The following FAM168A variants were observed in gnomAD, a reference collection of about 807,000 sequenced individuals.
FAM168A encodes the protein protein FAM168A.
A neutral mutation model predicts 28.5 loss-of-function variants in FAM168A; 3 were observed. The ratio of observed to expected loss-of-function variants is 0.11; its 90% CI spans 0.05 to 0.27. The LOEUF is 0.27. Ranked by LOEUF, FAM168A falls within the 10% of genes least tolerant of loss-of-function variation. The pLI is 1.00. For missense variants in FAM168A, 222 were observed against 311.5 expected (o/e 0.71, Z 2.16); for synonymous variants, 122 against 124.2 (o/e 0.98, Z 0.12).
intron 1 of FAM168A, among the ~76,000 whole-genome samples, chr11:73,595,792 T>C (rs1944434998): frequency 1.3e-5 from 2 of 152,280 alleles, no homozygotes; most frequent in Non-Finnish European, 2.9e-5. Context: ...ATATGCTTTA[T>C]TTATTCACAT....
intron 1 of FAM168A, among the ~76,000 whole-genome samples, chr11:73,570,414 C>A (rs898874384): frequency 1.3e-5 from 2 of 152,064 alleles, no homozygotes; most frequent in African/African-American, 4.8e-5. Flanking sequence ...ACAAAAAGAG[C>A]TACCAGTTTA....
intron 1 of FAM168A, among the ~76,000 whole-genome samples, chr11:73,561,146 A>G (rs58573166): frequency 0.21 from 32,154 of 151,234 alleles, 5,800 homozygotes; most frequent in African/African-American, 0.5. Context: ...AGGCTGAGGC[A>G]GGCGGATCAC....
intron 1 of FAM168A, among the ~76,000 whole-genome samples, chr11:73,526,191 A>G (rs902963384): frequency 1.3e-5 from 2 of 152,266 alleles, no homozygotes; most frequent in Non-Finnish European, 2.9e-5. Context: ...CCAGTATAAA[A>G]TGTATAATAA....
At chr11:73,456,641 C>T (rs1789779739) in intron 2 of FAM168A, among the ~76,000 whole-genome samples, 2 of 152,184 alleles carry the variant, frequency 1.3e-5, no homozygotes, top group African/African-American at 4.8e-5. Context: ...TTTAAGGATA[C>T]CTACATTGGG....
intron 2 of FAM168A, among the ~76,000 whole-genome samples, chr11:73,440,467 A>G (rs1033391816): frequency 1.3e-5 from 2 of 152,088 alleles, no homozygotes; most frequent in African/African-American, 4.8e-5. Context: ...TGGGCAATGT[A>G]GCGAGACCCT....
At chr11:73,501,844 GTAATCCCAGCAC>G (rs1855015167) in intron 1 of FAM168A, among the ~76,000 whole-genome samples, 1 of 152,184 alleles carries the variant, frequency 6.6e-6, no homozygotes, top group African/African-American at 2.4e-5. Flanking sequence ...GCTCAAGCCT[GTAATCCCAGCAC>G]TTTGGGAGGC....
intron 1 of FAM168A, among the ~76,000 whole-genome samples, chr11:73,491,074 C>T (rs944116542): frequency 1.3e-5 from 2 of 152,096 alleles, no homozygotes; most frequent in Non-Finnish European, 2.9e-5. Context: ...TTTCAGTTGG[C>T]CTCACTGAAA....
At chr11:73,564,071 C>T (rs1217187659) in intron 1 of FAM168A, among the ~76,000 whole-genome samples, 1 of 152,172 alleles carries the variant, frequency 6.6e-6, no homozygotes, top group East Asian at 1.9e-4. Context: ...AGCCACACAC[C>T]TCTGTAGTGT....
chr11:73,563,181 A>G (rs1943979480), intron 1 of FAM168A, among the ~76,000 whole-genome samples: 2 of 152,214 alleles, frequency 1.3e-5, no homozygotes, highest in Non-Finnish European at 2.9e-5. Context: ...GTTCACCTCT[A>G]TCATTCACCT....
chr11:73,561,273 G>T (rs1364716793), intron 1 of FAM168A, among the ~76,000 whole-genome samples: 1 of 151,948 alleles, frequency 6.6e-6, no homozygotes, highest in Non-Finnish European at 1.5e-5. Flanking sequence ...TACTCAGGAG[G>T]CTGAGGCAGG....
rs1206126220 is a variant in FAM168A at position 73,402,776 on chromosome 11, A to G, written c.*3987T>C. The G allele has an allele frequency of 6.6e-6, 1 of 152,248 alleles. No homozygotes were observed. The highest frequency in any genetic ancestry group is 1.5e-5 in the Non-Finnish European group (1 of 68,078). The allele number at this position is 152,248 out of a possible 1,614,324, so 9.4% of individuals were successfully genotyped here. ...TTGTGACCCCAAAGTGTTTTGTCCA[A>G]GTGAGGCCTTTAGTTGCAAATTCTC... On this transcript the variant is annotated 3_prime_UTR_variant, in exon 8 of 8. Coordinates refer to ENST00000356467, the MANE Select transcript of FAM168A (RefSeq NM_015159.3).
chr11:73,466,275 C>A (rs960128672), intron 2 of FAM168A, among the ~76,000 whole-genome samples: 8 of 152,150 alleles, frequency 5.3e-5, no homozygotes, highest in African/African-American at 1.7e-4. Flanking sequence ...AAAAGACAAT[C>A]CTCATCTTTA....
chr11:73,457,721 G>GGCAAA (rs1867561792), intron 2 of FAM168A, among the ~76,000 whole-genome samples: 1 of 12,690 alleles, frequency 7.9e-5, no homozygotes, highest in Non-Finnish European at 1.5e-4. Context: ...TAGCCTGGGT[G>GGCAAA]ACAAAAAAAA....
At chr11:73,489,747 G>C (rs1013464615) in intron 1 of FAM168A, among the ~76,000 whole-genome samples, 1 of 152,132 alleles carries the variant, frequency 6.6e-6, no homozygotes, top group African/African-American at 2.4e-5. Context: ...CTGGGCTCAA[G>C]TAATCTGCCC....
chr11:73,570,451 A>G (rs577615508), intron 1 of FAM168A, among the ~76,000 whole-genome samples: 70 of 152,214 alleles, frequency 4.6e-4, no homozygotes, highest in Non-Finnish European at 8.8e-4. Context: ...AGTAAAAAGA[A>G]AAATTTTAGA....
chr11:73,503,267 A>C (rs910266231), intron 1 of FAM168A, among the ~76,000 whole-genome samples: 3 of 152,232 alleles, frequency 2.0e-5, no homozygotes, highest in African/African-American at 7.2e-5. Context: ...ATCTCAGCCC[A>C]AAAACTTCTT....
intron 1 of FAM168A, among the ~76,000 whole-genome samples, chr11:73,488,342 G>A (rs1868082776): frequency 6.6e-6 from 1 of 151,956 alleles, no homozygotes; most frequent in South Asian, 2.1e-4. Context: ...CACTGGCCAG[G>A]CTGGTCTTGA....
chr11:73,463,623 T>G (rs1445747446), intron 2 of FAM168A, among the ~76,000 whole-genome samples: 1 of 152,140 alleles, frequency 6.6e-6, no homozygotes, highest in Admixed American at 6.5e-5. Context: ...AACGGAGCCC[T>G]TGTGAAACAT....
chr11:73,548,747 C>T (rs888056717), intron 1 of FAM168A, among the ~76,000 whole-genome samples: 1 of 152,050 alleles, frequency 6.6e-6, no homozygotes, highest in Non-Finnish European at 1.5e-5. Context: ...CTCAAGTGAT[C>T]CTCCTGCCTT....
Sources: gnomAD v4.1 joint callset for allele counts (sites outside exome capture counted in the v4.1 genomes callset) on GRCh38, gnomAD v4.1.1 for gene constraint, MANE v1.5 for transcripts, NCBI Gene and HGNC (gene_info 2026-07-23, HGNC 2026-07-21) for gene names.